The following SUFU variants were observed in gnomAD, a reference collection of about 807,000 sequenced individuals.
SUFU encodes suppressor of fused homolog.
In SUFU, 7 loss-of-function variants were observed where a neutral mutation model predicts 58.9. The ratio of observed to expected loss-of-function variants is 0.12; its 90% CI spans 0.07 to 0.22. The LOEUF is 0.22. Among genes scored for constraint, SUFU ranks in the 10% least tolerant of loss-of-function variants. The probability of loss-of-function intolerance (pLI) is 1.00; values close to 1 mark genes in which losing one functional copy is unlikely to be tolerated. For synonymous variants in SUFU, 232 were observed against 254.8 expected (o/e 0.91, Z 0.85); for missense variants, 451 against 641.3 (o/e 0.70, Z 3.20).
intron 3 of SUFU, among the ~76,000 whole-genome samples, chr10:102,584,539 C>T (rs2063317325): frequency 6.6e-6 from 1 of 152,118 alleles, no homozygotes; most frequent in Non-Finnish European, 1.5e-5. Context: ...CTCTTTAAAC[C>T]TTGAACAGCT....
At chr10:102,504,405 T>C in intron 1 of SUFU, 71 bp downstream of exon 1, 1 of 1,590,566 alleles carries the variant, frequency 6.3e-7, no homozygotes, top group Non-Finnish European at 8.6e-7. Context: ...GGCGAAGTAA[T>C]TTGTGGGAGG....
intron 8 of SUFU, among the ~76,000 whole-genome samples, chr10:102,607,341 G>A (rs1027332369): frequency 6.6e-6 from 1 of 152,038 alleles, no homozygotes; most frequent in African/African-American, 2.4e-5. Context: ...GAGCCGCCAC[G>A]CCCAGCCAAT....
intron 3 of SUFU, among the ~76,000 whole-genome samples, chr10:102,551,161 G>T (rs1007140949): frequency 4.6e-5 from 7 of 152,222 alleles, no homozygotes; most frequent in Admixed American, 3.3e-4. Context: ...GGCACATGAG[G>T]CAGATCCATA....
chr10:102,573,733 A>G (rs191156430), intron 3 of SUFU, among the ~76,000 whole-genome samples: 1 of 152,326 alleles, frequency 6.6e-6, no homozygotes, highest in East Asian at 1.9e-4. Flanking sequence ...CAGACACAAA[A>G]AGACAAATAT....
intron 2 of SUFU, among the ~76,000 whole-genome samples, chr10:102,537,646 T>A (rs2135713381): frequency 6.6e-6 from 1 of 152,316 alleles, no homozygotes; most frequent in East Asian, 1.9e-4. Context: ...ATAAGTGGAA[T>A]CATATGACAT....
In SUFU at chr10:102,630,109, A is replaced by C; in HGVS notation, c.1409A>C (p.Lys470Thr). 1 of 1,614,226 alleles carries C rather than the reference A, an allele frequency of 6.2e-7. No homozygotes were observed. The change falls in exon 12 of 12, where the codon AAG becomes ACG. Residue 470 changes from lysine (K) to threonine (T), a missense_variant. Coordinates refer to ENST00000369902, the MANE Select transcript of SUFU (RefSeq NM_016169.4). ...TACAGCTGGCCTGAAAAGAAGCTGA[A>C]GGTCTCCATCCTGCCTGACGTGGTG... Reference protein sequence around the residue: ...KEYSWPEKKLKVSILPDVVFD... With the variant: ...KEYSWPEKKLTVSILPDVVFD...
chr10:102,516,076 A>T (rs1006791842), intron 2 of SUFU, among the ~76,000 whole-genome samples: 1 of 150,750 alleles, frequency 6.6e-6, no homozygotes, highest in East Asian at 1.9e-4. Flanking sequence ...TGAATTTGTG[A>T]ATTTTTAAAT....
chr10:102,611,289 T>C (rs115503067), intron 8 of SUFU, among the ~76,000 whole-genome samples: 210 of 152,290 alleles, frequency 1.4e-3, no homozygotes, highest in African/African-American at 4.0e-3. Context: ...CTGGGCAACT[T>C]GAAGAACAGT....
chr10:102,514,916 G>C (rs940093809), intron 2 of SUFU, among the ~76,000 whole-genome samples: 3 of 152,252 alleles, frequency 2.0e-5, no homozygotes, highest in Admixed American at 6.5e-5. Context: ...CCCAGGGCAG[G>C]TCATCTGCTG....
intron 3 of SUFU, among the ~76,000 whole-genome samples, chr10:102,563,618 G>C (rs2063060420): frequency 6.6e-6 from 1 of 151,740 alleles, no homozygotes; most frequent in African/African-American, 2.4e-5. Flanking sequence ...GCTGCAGTGA[G>C]CCAGGATCAT....
At chr10:102,518,483 G>T (rs1313305953) in intron 2 of SUFU, among the ~76,000 whole-genome samples, 2 of 151,458 alleles carry the variant, frequency 1.3e-5, no homozygotes, top group Non-Finnish European at 2.9e-5. Flanking sequence ...TGTTGAGCTG[G>T]ATGTAGAAGC....
At position 102,504,199 on chromosome 10, in the gene SUFU, C is replaced by T. The variant is rs1690152705; in HGVS notation, c.47C>T (p.Pro16Leu). The T allele has an allele frequency of 6.3e-7, 1 of 1,582,178 alleles. No homozygotes were observed. The highest frequency in any genetic ancestry group is 8.6e-7 in the Non-Finnish European group (1 of 1,165,782). ...GGCGCCCCCGGCCCCACCGCGCCCC[C>T]GGCCCCTGGCCCGACTGCCCCCCCG... ...PSGAPGPTAP[P>L]APGPTAPPAF... Residue 16 changes from proline (P) to leucine (L), a missense_variant, in exon 1 of 12, where the codon CCG (proline) becomes CTG (leucine). Pro to Leu is a moderately conservative substitution (Grantham distance 98). Transcript: ENST00000369902.
At chr10:102,572,735 G>T (rs2063175311) in intron 3 of SUFU, 3 of 730,786 alleles carry the variant, frequency 4.1e-6, no homozygotes, top group African/African-American at 1.7e-5. Flanking sequence ...CATATATTTA[G>T]AATTACCCAG....
intron 2 of SUFU, among the ~76,000 whole-genome samples, chr10:102,534,934 G>A (rs2062718451): frequency 6.6e-6 from 1 of 152,134 alleles, no homozygotes. Flanking sequence ...GTATGTGTGT[G>A]CACTTAGAGG....
chr10:102,515,258 C>T (rs1360929299), intron 2 of SUFU, among the ~76,000 whole-genome samples: 1 of 151,892 alleles, frequency 6.6e-6, no homozygotes, highest in Non-Finnish European at 1.5e-5. Flanking sequence ...GTGTGGCCTC[C>T]GTCTCCTGCA....
Position 102,631,258 on chromosome 10 carries a change from T to G in SUFU, c.*1103T>G. The stretch of plus-strand genomic sequence containing the variant: ...TTCACTTTGGTTTTGCTAACACTGC[T>G]CTCTGCTGCCCTCCCATCCTCCCTG... On this transcript the variant is annotated 3_prime_UTR_variant, in exon 12 of 12. Coordinates refer to ENST00000369902, the MANE Select transcript of SUFU (RefSeq NM_016169.4). The G allele has an allele frequency of 4.3e-6, 1 of 233,540 alleles. No individual in the cohort carries two copies. The highest frequency in any genetic ancestry group is 5.6e-5 in the Admixed American group (1 of 17,806). The allele number at this position is 233,540 out of a possible 1,614,324, so 14.5% of individuals were successfully genotyped here. A position where few individuals can be genotyped will look rare whatever the true frequency, so the allele number is the denominator to read the frequency against.
intron 8 of SUFU, among the ~76,000 whole-genome samples, chr10:102,608,139 G>A (rs1002541228): frequency 2.0e-5 from 3 of 151,720 alleles, no homozygotes; most frequent in Admixed American, 6.6e-5. Context: ...TGGGAGAATC[G>A]CTTGAACCCA....
chr10:102,587,553 G>A (rs191709184), intron 3 of SUFU, among the ~76,000 whole-genome samples: 4 of 152,138 alleles, frequency 2.6e-5, no homozygotes, highest in Non-Finnish European at 4.4e-5. Context: ...GTGCAGTAGC[G>A]TGATCTCGGC....
intron 8 of SUFU, among the ~76,000 whole-genome samples, chr10:102,607,782 G>A (rs932199199): frequency 4.6e-5 from 7 of 152,004 alleles, no homozygotes; most frequent in African/African-American, 7.3e-5. Flanking sequence ...AAACGGTTGC[G>A]TGCCTGTAGT....
Sources: allele counts gnomAD v4.1 joint callset (sites outside exome capture counted in the v4.1 genomes callset), GRCh38; gene constraint gnomAD v4.1.1; transcripts MANE v1.5; gene names NCBI Gene and HGNC (gene_info 2026-07-23, HGNC 2026-07-21).